ZNF679: variants seen among roughly 807,000 people sequenced by gnomAD.
ZNF679 encodes the protein zinc finger protein 679.
Under a neutral mutation model 13.4 loss-of-function variants are expected in ZNF679, and 10 were observed. The observed-to-expected ratio is 0.75, with a 90% CI of 0.46 to 1.27. The LOEUF is 1.27. Ranked by LOEUF, ZNF679 falls within the 50% of genes most tolerant of loss-of-function variation. The pLI is 0.00. For missense variants in ZNF679, 525 were observed against 477.8 expected, an observed-to-expected ratio of 1.10 and a Z score of -0.92; for synonymous variants, 179 against 162.5, an observed-to-expected ratio of 1.10 and a Z score of -0.77.
intron 1 of ZNF679, among the ~76,000 whole-genome samples, chr7:64,229,651 C>G (rs972404771): frequency 1.3e-5 from 2 of 152,138 alleles, no homozygotes; most frequent in Non-Finnish European, 2.9e-5. Flanking sequence ...ATATTTATGT[C>G]ATATTTCCTG....
intron 1 of ZNF679, among the ~76,000 whole-genome samples, chr7:64,238,694 C>T (rs1040934770): frequency 2.3e-4 from 35 of 152,276 alleles, no homozygotes; most frequent in African/African-American, 8.4e-4. Flanking sequence ...AGCCACAACA[C>T]TACTTTAGAA....
At position 64,232,972 on chromosome 7, in the gene ZNF679, G is replaced by A. The variant is rs185894563; in HGVS notation, c.-91+4320G>A. Reference sequence around the variant, plus strand: ...AATAGAGTCATAGGCTGGGTGTGCTGGTTCACCCCTGTAATCCTGGCACTT... The same window carrying A: ...AATAGAGTCATAGGCTGGGTGTGCTAGTTCACCCCTGTAATCCTGGCACTT... On this transcript the variant is annotated intron_variant, in intron 1 of 4. Coordinates refer to ENST00000421025, the MANE Select transcript of ZNF679 (RefSeq NM_153363.3). Among the ~76,000 whole-genome samples the A allele has an allele frequency of 2.6e-3, 403 of 152,330 alleles. 1 individual carries two copies. The highest frequency in any genetic ancestry group is 0.014 in the Middle Eastern group (4 of 294).
chr7:64,260,337 G>A lies in ZNF679; in HGVS notation c.156G>A (p.Leu52=). The A allele has an allele frequency of 4.4e-6, 7 of 1,607,140 alleles. No homozygotes were observed. The highest frequency in any genetic ancestry group is 5.9e-6 in the Non-Finnish European group (7 of 1,177,950). ...RDVMLENYRN[L]VSLGIAVSKP... is the part of the protein sequence containing the mutation. Reference sequence around the variant, plus strand: ...TGATGTTAGAGAACTACAGAAACCTGGTCTCCCTGGGTGAGGATAACTTCA... The same window carrying A: ...TGATGTTAGAGAACTACAGAAACCTAGTCTCCCTGGGTGAGGATAACTTCA... Residue 52 remains leucine (L), a synonymous_variant, in exon 3 of 5, where the codon CTG becomes CTA. Transcript: ENST00000421025.
At chr7:64,233,102 G>A (rs1787662144) in intron 1 of ZNF679, among the ~76,000 whole-genome samples, 1 of 152,044 alleles carries the variant, frequency 6.6e-6, no homozygotes, top group African/African-American at 2.4e-5. Context: ...TTAGCTGGGA[G>A]TGGTGGTATG....
chr7:64,266,785 A>G lies in ZNF679; in HGVS notation c.1152A>G (p.Glu384=), dbSNP rs772498525. ...GAGAGGAACCCTACAAATGTGAAGA[A>G]TGTGACAAAGCTTTTAAGTGGTCCT... ...HTGEEPYKCE[E]CDKAFKWSSS... is the part of the protein sequence containing the mutation. Residue 384 remains glutamate (E), a synonymous_variant, in exon 5 of 5, where the codon GAA becomes GAG. Coordinates refer to ENST00000421025, the MANE Select transcript of ZNF679 (RefSeq NM_153363.3). 1.2e-6 allele frequency: 2 copies of G among 1,609,206 alleles called. No individual in the cohort carries two copies. Among genetic ancestry groups the G allele is most frequent in the Non-Finnish European group, 8.5e-7 (1 of 1,177,404 alleles).
chr7:64,265,813 GTAT>G, intron 4 of ZNF679, 80 bp from the exon 5 acceptor site: 1 of 1,461,944 alleles, frequency 6.8e-7, no homozygotes. Context: ...AAAGTACCTT[GTAT>G]AATTTTATAT....
At chr7:64,259,162 T>A (rs1026552456) in intron 2 of ZNF679, among the ~76,000 whole-genome samples, 1 of 152,160 alleles carries the variant, frequency 6.6e-6, no homozygotes, top group South Asian at 2.1e-4. Flanking sequence ...TCCACCCGCC[T>A]TGGCCCCACA....
intron 1 of ZNF679, among the ~76,000 whole-genome samples, chr7:64,242,669 A>G (rs1483122215): frequency 6.6e-6 from 1 of 152,206 alleles, no homozygotes; most frequent in Non-Finnish European, 1.5e-5. Context: ...GTGTGCATCC[A>G]ATAGTCACAA....
At chr7:64,254,478 A>AT (rs35539896) in intron 2 of ZNF679, among the ~76,000 whole-genome samples, 31,624 of 148,158 alleles carry the variant, frequency 0.21, 4,096 homozygotes, top group Non-Finnish European at 0.28. Flanking sequence ...CTTCCCCAAC[A>AT]TTTTTTTTTT....
In ZNF679 at chr7:64,266,028, G is replaced by C; in HGVS notation, c.395G>C (p.Gly132Ala). The C allele has an allele frequency of 6.2e-7, 1 of 1,613,534 alleles. No individual in the cohort carries two copies. Among genetic ancestry groups the C allele is most frequent in the Non-Finnish European group, 8.5e-7 (1 of 1,179,736 alleles). ...NLQVKTCKSM[G>A]ECEVQKGGCN... ...CAAGTAAAAACATGTAAAAGCATGG[G>C]TGAGTGTGAGGTGCAAAAAGGAGGT... is the stretch of plus-strand genomic sequence containing the variant. The change falls in exon 5 of 5, where the codon GGT (glycine) becomes GCT (alanine). Residue 132 changes from glycine (G) to alanine (A), a missense_variant. Transcript: ENST00000421025.
Position 64,266,474 on chromosome 7 carries a change from T to G in ZNF679, c.841T>G (p.Ser281Ala). Residue 281 changes from serine (S) to alanine (A), a missense_variant, in exon 5 of 5, where the codon TCA (serine) becomes GCA (alanine). Coordinates refer to ENST00000421025, the MANE Select transcript of ZNF679 (RefSeq NM_153363.3). The part of the protein sequence containing the change: ...EECGQAFSRS[S>A]TLANHKRIHT... ...ATGTGGCCAAGCCTTTAGCCGCTCC[T>G]CAACACTTGCTAACCACAAGAGAAT... The G allele has an allele frequency of 6.2e-7, 1 of 1,613,078 alleles. No individual in the cohort carries two copies. Among genetic ancestry groups the G allele is most frequent in the South Asian group, 1.1e-5 (1 of 91,010 alleles).
At position 64,260,243 on chromosome 7, in the gene ZNF679, T is replaced by C; in HGVS notation, c.62T>C (p.Val21Ala). The change falls in exon 3 of 5, where the codon GTA (valine) becomes GCA (alanine). Residue 21 changes from valine (V) to alanine (A), a missense_variant. Coordinates refer to ENST00000421025, the MANE Select transcript of ZNF679 (RefSeq NM_153363.3). Reference sequence around the variant, plus strand: ...CAGGGACTGTTGACATTCAGAGATGTAGTCATAGAATTCTCTCTGGAGGAG... The same window carrying C: ...CAGGGACTGTTGACATTCAGAGATGCAGTCATAGAATTCTCTCTGGAGGAG... ...REMGLLTFRD[V>A]VIEFSLEEWQ... 1.2e-6 allele frequency: 2 copies of C among 1,609,122 alleles called. No homozygotes were observed. The highest frequency in any genetic ancestry group is 1.7e-6 in the Non-Finnish European group (2 of 1,178,798).
At chr7:64,258,440 C>T (rs73132069) in intron 2 of ZNF679, among the ~76,000 whole-genome samples, 25,747 of 151,988 alleles carry the variant, frequency 0.17, 2,731 homozygotes, top group Non-Finnish European at 0.23. Flanking sequence ...TGGTGGCTTA[C>T]GCATATAATC....
chr7:64,249,192 A>G (rs993572765), intron 2 of ZNF679, 36 bp downstream of exon 2: 37 of 1,613,714 alleles, frequency 2.3e-5, no homozygotes, highest in Non-Finnish European at 3.1e-5. Context: ...GAGAGGGGTG[A>G]GGGCTGGTTG....
At chr7:64,260,463 A>G in intron 3 of ZNF679, 116 bp downstream of exon 3, 1 of 1,461,894 alleles carries the variant, frequency 6.8e-7, no homozygotes, top group Non-Finnish European at 9.1e-7. Flanking sequence ...TTTGAAGAAA[A>G]TCTTGGGGAT....
At chr7:64,257,913 T>C (rs1434679071) in intron 2 of ZNF679, among the ~76,000 whole-genome samples, 1 of 152,198 alleles carries the variant, frequency 6.6e-6, no homozygotes, top group Non-Finnish European at 1.5e-5. Context: ...TTTTGGGTCC[T>C]GCAGAATCGC....
At chr7:64,243,665 C>G (rs745855030) in intron 1 of ZNF679, among the ~76,000 whole-genome samples, 5 of 152,136 alleles carry the variant, frequency 3.3e-5, no homozygotes, top group Admixed American at 6.6e-5. Flanking sequence ...GAGGGCAAAG[C>G]CCAGGCAGGA....
At chr7:64,254,700 A>G (rs1787981218) in intron 2 of ZNF679, among the ~76,000 whole-genome samples, 1 of 152,120 alleles carries the variant, frequency 6.6e-6, no homozygotes, top group Non-Finnish European at 1.5e-5. Flanking sequence ...CAGTAAGGGC[A>G]ATATGATGAG....
chr7:64,236,453 G>GC (rs796109934), intron 1 of ZNF679, among the ~76,000 whole-genome samples: 2 of 145,118 alleles, frequency 1.4e-5, no homozygotes, highest in East Asian at 4.0e-4. Context: ...TTTGTGGGGG[G>GC]AAAAAAAAAA....
Sources: gnomAD v4.1 joint callset for allele counts (sites outside exome capture counted in the v4.1 genomes callset) on GRCh38, gnomAD v4.1.1 for gene constraint, MANE v1.5 for transcripts, NCBI Gene and HGNC (gene_info 2026-07-23, HGNC 2026-07-21) for gene names.